ARB2A: variants seen among roughly 807,000 people sequenced by gnomAD.
The protein encoded by ARB2A is ARB2 cotranscriptional regulator A.
the ARB2A span, among the ~76,000 whole-genome samples, chr5:94,040,345 C>A: frequency 6.6e-6 from 1 of 151,730 alleles, no homozygotes; most frequent in Non-Finnish European, 1.5e-5. Flanking sequence ...GACAAGCAGC[C>A]GCCTGAACTT....
chr5:93,666,751 C>T, the ARB2A span, among the ~76,000 whole-genome samples: 1 of 152,190 alleles, frequency 6.6e-6, no homozygotes, highest in East Asian at 1.9e-4. Context: ...TACCTGCCTA[C>T]TTAACAATGC....
the ARB2A span, among the ~76,000 whole-genome samples, chr5:94,021,876 C>G: frequency 6.6e-6 from 1 of 152,166 alleles, no homozygotes; most frequent in Non-Finnish European, 1.5e-5. Context: ...CAGGACCAGC[C>G]TGGCCAGCAT....
chr5:93,674,526 A>G, the ARB2A span, among the ~76,000 whole-genome samples: 9 of 152,358 alleles, frequency 5.9e-5, no homozygotes, highest in South Asian at 1.9e-3. Context: ...GAAATAGCAA[A>G]TAGAATAAAA....
the ARB2A span, among the ~76,000 whole-genome samples, chr5:94,021,897 C>T: frequency 2.6e-5 from 4 of 152,114 alleles, no homozygotes; most frequent in African/African-American, 9.7e-5. Context: ...GGGAAAACCC[C>T]ATCTCTACTA....
chr5:93,867,421 C>CTTAT, the ARB2A span, among the ~76,000 whole-genome samples: 158 of 152,054 alleles, frequency 1.0e-3, no homozygotes, highest in East Asian at 0.01. Flanking sequence ...TACGTTTTAT[C>CTTAT]TTATTTATTT....
chr5:93,641,155 G>A, the ARB2A span, among the ~76,000 whole-genome samples: 402 of 150,234 alleles, frequency 2.7e-3, 2 homozygotes, highest in African/African-American at 9.3e-3. Context: ...AGCCTAGATC[G>A]CACCACTGCA....
chr5:93,720,927 A>G, the ARB2A span, among the ~76,000 whole-genome samples: 1 of 152,132 alleles, frequency 6.6e-6, no homozygotes, highest in South Asian at 2.1e-4. Flanking sequence ...GTGTATACCC[A>G]CCTTCATGTG....
At chr5:93,891,284 T>TG in the ARB2A span, among the ~76,000 whole-genome samples, 2 of 152,110 alleles carry the variant, frequency 1.3e-5, no homozygotes, top group Non-Finnish European at 2.9e-5. Context: ...TTCTCTTACC[T>TG]GGGGAACTTC....
chr5:93,634,326 G>C, the ARB2A span, among the ~76,000 whole-genome samples: 2 of 151,962 alleles, frequency 1.3e-5, no homozygotes, highest in Non-Finnish European at 2.9e-5. Context: ...CTGGAACCCA[G>C]GAGGCGGAGG....
chr5:93,669,778 T>C, the ARB2A span, among the ~76,000 whole-genome samples: 1 of 152,206 alleles, frequency 6.6e-6, no homozygotes, highest in Non-Finnish European at 1.5e-5. Flanking sequence ...ATACACACTG[T>C]TGTTAGACCC....
At chr5:93,750,227 G>A in the ARB2A span, among the ~76,000 whole-genome samples, 3 of 152,160 alleles carry the variant, frequency 2.0e-5, no homozygotes, top group Non-Finnish European at 4.4e-5. Context: ...GGGATGAATT[G>A]AAGATGATTA....
the ARB2A span, among the ~76,000 whole-genome samples, chr5:93,913,376 A>G: frequency 6.6e-6 from 1 of 151,934 alleles, no homozygotes; most frequent in African/African-American, 2.4e-5. Context: ...TGTTCAGCTA[A>G]GACTCATATA....
chr5:93,777,932 G>T, the ARB2A span, among the ~76,000 whole-genome samples: 2 of 152,088 alleles, frequency 1.3e-5, no homozygotes, highest in African/African-American at 4.8e-5. Flanking sequence ...ATAAAGGAAG[G>T]GTTGCTGTAT....
the ARB2A span, among the ~76,000 whole-genome samples, chr5:93,994,924 A>C: frequency 3.3e-5 from 5 of 151,718 alleles, no homozygotes; most frequent in Admixed American, 2.6e-4. Context: ...TAAATAAATA[A>C]ATAAATAAGA....
the ARB2A span, among the ~76,000 whole-genome samples, chr5:93,831,767 G>A: frequency 6.6e-6 from 1 of 152,186 alleles, no homozygotes; most frequent in African/African-American, 2.4e-5. Flanking sequence ...TGCTTACAGA[G>A]AATAGTATTA....
chr5:93,651,333 A>C, the ARB2A span, among the ~76,000 whole-genome samples: 1 of 151,978 alleles, frequency 6.6e-6, no homozygotes, highest in East Asian at 1.9e-4. Context: ...CAGGGGTTGC[A>C]CTATTTTGCC....
At chr5:94,087,825 T>C in the ARB2A span, among the ~76,000 whole-genome samples, 1 of 152,334 alleles carries the variant, frequency 6.6e-6, no homozygotes, top group African/African-American at 2.4e-5. Context: ...GTATTCAGCA[T>C]AGTAACATGT....
At chr5:93,931,002 C>T in the ARB2A span, among the ~76,000 whole-genome samples, 1 of 152,148 alleles carries the variant, frequency 6.6e-6, no homozygotes, top group African/African-American at 2.4e-5. Flanking sequence ...CCCATGCTGA[C>T]TGGCCCAGGT....
the ARB2A span, among the ~76,000 whole-genome samples, chr5:93,694,110 T>G: frequency 2.0e-5 from 3 of 152,156 alleles, no homozygotes; most frequent in Non-Finnish European, 2.9e-5. Flanking sequence ...TTGGAAGCAT[T>G]CCCTTTGAAA....
Sources: gnomAD v4.1 joint callset for allele counts (sites outside exome capture counted in the v4.1 genomes callset) on GRCh38, gnomAD v4.1.1 for gene constraint, MANE v1.5 for transcripts, NCBI Gene and HGNC (gene_info 2026-07-23, HGNC 2026-07-21) for gene names.